The following ACSM4 variants were observed in gnomAD, a reference collection of about 807,000 sequenced individuals.
ACSM4 encodes the protein acyl-CoA synthetase medium chain family member 4, also known as acyl-coenzyme A synthetase ACSM4, mitochondrial.
A neutral mutation model predicts 73.0 loss-of-function variants in ACSM4; 66 were observed. The observed-to-expected ratio is 0.90, with a 90% confidence interval of 0.74 to 1.11. ACSM4 has a LOEUF of 1.11. Among genes scored for constraint, ACSM4 ranks in the 50% least tolerant of loss-of-function variants. The pLI, the probability that ACSM4 is intolerant of heterozygous loss-of-function variation, is 0.00. For synonymous variants in ACSM4, 222 were observed against 254.0 expected, an observed-to-expected ratio of 0.87 and a Z score of 1.20; for missense variants, 645 against 714.4, an observed-to-expected ratio of 0.90 and a Z score of 1.11.
Position 7,310,618 on chromosome 12 carries a change from C to T in ACSM4, c.492C>T (p.Cys164=), listed in dbSNP as rs138462432. The part of the protein sequence containing the change: ...LYRLRASKAK[C]IVASEEVAPA... Reference sequence around the variant, plus strand: ...GGCTGCGAGCATCCAAGGCCAAGTGCATTGTGGCCAGTGAGGAGGTGGCCC... The same window carrying T: ...GGCTGCGAGCATCCAAGGCCAAGTGTATTGTGGCCAGTGAGGAGGTGGCCC... The change falls in exon 3 of 13, where the codon TGC becomes TGT. Residue 164 remains cysteine, a synonymous_variant. Coordinates refer to ENST00000399422, the MANE Select transcript of ACSM4 (RefSeq NM_001080454.2). 1 of 1,613,232 alleles carries T rather than the reference C, an allele frequency of 6.2e-7. No individual in the cohort carries two copies. Among genetic ancestry groups the T allele is most frequent in the African/African-American group, 1.3e-5 (1 of 75,046 alleles).
intron 11 of ACSM4, 108 bp downstream of exon 11, chr12:7,324,706 T>C (rs372676011): frequency 2.5e-6 from 3 of 1,207,568 alleles, no homozygotes; most frequent in Middle Eastern, 2.1e-4. Context: ...ATTCTCGTTA[T>C]GAAGCATGCA....
chr12:7,317,361 C>T lies in ACSM4; in HGVS notation c.764+81C>T, dbSNP rs1946428998. 2.1e-6 allele frequency: 3 copies of T among 1,445,370 alleles called. No homozygotes were observed. The African/African-American group carries it at 4.3e-5, about 21-fold the overall frequency. The allele number at this position is 1,445,370 out of a possible 1,614,324, so 89.5% of individuals were successfully genotyped here. A position where few individuals can be genotyped will look rare whatever the true frequency, so the allele number is the denominator to read the frequency against. ...CGTATCCAACTAACTGATACTTCTC[C>T]TTGAATTGCTATAAGATATTGGCAA... On this transcript the variant is annotated intron_variant, in intron 4 of 12. Transcript: ENST00000399422.
At chr12:7,305,427 T>C (rs1438581891) in intron 1 of ACSM4, among the ~76,000 whole-genome samples, 1 of 152,160 alleles carries the variant, frequency 6.6e-6, no homozygotes, top group East Asian at 1.9e-4. Context: ...TAAAGAAGAA[T>C]AGTGCAGGTG....
chr12:7,328,066 G>A (rs1380939764), intron 12 of ACSM4, among the ~76,000 whole-genome samples: 3 of 152,138 alleles, frequency 2.0e-5, no homozygotes, highest in African/African-American at 7.2e-5. Flanking sequence ...TTCTGGCAAA[G>A]CATTTCAGTG....
At chr12:7,321,645 C>T (rs920712914) in intron 6 of ACSM4, among the ~76,000 whole-genome samples, 1 of 152,234 alleles carries the variant, frequency 6.6e-6, no homozygotes, top group Non-Finnish European at 1.5e-5. Flanking sequence ...ATTCTACCCA[C>T]ACCCTCTGGC....
intron 3 of ACSM4, among the ~76,000 whole-genome samples, chr12:7,316,439 A>C (rs1053356386): frequency 9.2e-5 from 14 of 152,232 alleles, no homozygotes; most frequent in Non-Finnish European, 1.5e-4. Flanking sequence ...AAGAAAATAT[A>C]TTCCATTAAA....
At chr12:7,318,469 C>A in intron 5 of ACSM4, 1 of 330,156 alleles carries the variant, frequency 3.0e-6, no homozygotes. Flanking sequence ...TTCTAAATAA[C>A]AGATTAGGAG....
At position 7,326,495 on chromosome 12, in the gene ACSM4, C is replaced by T. The variant is rs1055236128; in HGVS notation, c.1537-481C>T. Among the ~76,000 whole-genome samples the T allele has an allele frequency of 2.6e-5, 4 of 152,296 alleles. No homozygotes were observed. The South Asian group carries it at 8.3e-4, about 32-fold the overall frequency. ...AAAGTCTTGGGGTTATAGGTGTAAG[C>T]CACCATGCTCAGCCCTTTCCTGAGA... On this transcript the variant is annotated intron_variant, in intron 11 of 12. Coordinates refer to ENST00000399422, the MANE Select transcript of ACSM4 (RefSeq NM_001080454.2).
At chr12:7,306,774 A>C (rs1359683235) in intron 2 of ACSM4, 31 bp downstream of exon 2, 3 of 1,573,764 alleles carry the variant, frequency 1.9e-6, no homozygotes, top group South Asian at 1.2e-5. Context: ...TCTAAATCAC[A>C]CAAACACAGA....
intron 5 of ACSM4, among the ~76,000 whole-genome samples, chr12:7,319,603 A>G (rs945292220): frequency 6.6e-6 from 1 of 151,658 alleles, no homozygotes; most frequent in South Asian, 2.1e-4. Context: ...AAAAAAAAAA[A>G]AAGAAAAAAA....
At chr12:7,317,901 G>A in intron 4 of ACSM4, 125 bp from the exon 5 acceptor site, 2 of 1,019,298 alleles carry the variant, frequency 2.0e-6, no homozygotes, top group Non-Finnish European at 2.8e-6. Context: ...CCTTGCCTGG[G>A]GCTTCTTTTG....
chr12:7,322,069 A>C (rs983527387), intron 6 of ACSM4, among the ~76,000 whole-genome samples: 3 of 152,240 alleles, frequency 2.0e-5, no homozygotes, highest in Non-Finnish European at 2.9e-5. Context: ...CCCTTACAAC[A>C]TAGCGACTGA....
chr12:7,322,516 A>G lies in ACSM4; in HGVS notation c.1100A>G (p.Tyr367Cys), dbSNP rs1946471539. 3.1e-6 allele frequency: 5 copies of G among 1,613,748 alleles called. No individual in the cohort carries two copies. The highest frequency in any genetic ancestry group is 2.7e-5 in the African/African-American group (2 of 74,918). Residue 367 changes from tyrosine (Y) to cysteine (C), a missense_variant, in exon 7 of 13, where the codon TAT becomes TGT. By Grantham distance (194) the Tyr-to-Cys change is radical. Transcript: ENST00000399422. ...QWRVQTGLELYEGYGQTEVGM... is the reference protein window; with the variant it reads ...QWRVQTGLELCEGYGQTEVGM... ...AGGGTGCAAACTGGGCTGGAGCTAT[A>G]TGAGGGCTATGGACAGACGGAAGTG...
chr12:7,304,633 C>G (rs1000541518), intron 1 of ACSM4, 101 bp downstream of exon 1: 72 of 1,221,812 alleles, frequency 5.9e-5, no homozygotes, highest in Middle Eastern at 5.5e-4. Flanking sequence ...AATGCACTCT[C>G]TCACCCTCTT....
chr12:7,307,171 G>A lies in ACSM4; in HGVS notation c.412+428G>A, dbSNP rs142738376. On this transcript the variant is annotated intron_variant, in intron 2 of 12. Coordinates refer to ENST00000399422, the MANE Select transcript of ACSM4 (RefSeq NM_001080454.2). ...CGGGAGGCTGAGGCAGGAGAATCGC[G>A]TGAACCCGGGAGGTGGAGGTTTCAG... Among the ~76,000 whole-genome samples, 437 of 152,170 alleles carry A rather than the reference G, an allele frequency of 2.9e-3. 5 individuals carry two copies. Among genetic ancestry groups the A allele is most frequent in the African/African-American group, 9.2e-3 (383 of 41,508 alleles).
chr12:7,309,502 A>C (rs1385131670), intron 2 of ACSM4, among the ~76,000 whole-genome samples: 2 of 152,232 alleles, frequency 1.3e-5, no homozygotes, highest in African/African-American at 2.4e-5. Context: ...ACATACAAAA[A>C]TGAGATAAAA....
Position 7,328,642 on chromosome 12 carries a change from G to C in ACSM4, c.*269G>C, listed in dbSNP as rs887714357. 31 of 215,140 alleles carry C rather than the reference G, an allele frequency of 1.4e-4. No homozygotes were observed. The highest frequency in any genetic ancestry group is 7.4e-5 in the Non-Finnish European group (8 of 107,674). The allele number at this position is 215,140 out of a possible 1,614,324, so 13.3% of individuals were successfully genotyped here. A position where few individuals can be genotyped will look rare whatever the true frequency, so the allele number is the denominator to read the frequency against. ...TTAAAATAGCAGGAATAAAATGATTGCTTAGAACAAGAAAGTGCACATTGA... is the reference window on the plus strand; with the variant it reads ...TTAAAATAGCAGGAATAAAATGATTCCTTAGAACAAGAAAGTGCACATTGA... On this transcript the variant is annotated 3_prime_UTR_variant, in exon 13 of 13. Transcript: ENST00000399422.
chr12:7,305,153 C>G (rs117908764), intron 1 of ACSM4, among the ~76,000 whole-genome samples: 2 of 152,166 alleles, frequency 1.3e-5, no homozygotes, highest in Non-Finnish European at 2.9e-5. Context: ...AGGGGGAAAG[C>G]CTTCCTTGAA....
chr12:7,304,826 T>A (rs1224674733), intron 1 of ACSM4, among the ~76,000 whole-genome samples: 1 of 152,256 alleles, frequency 6.6e-6, no homozygotes, highest in Non-Finnish European at 1.5e-5. Flanking sequence ...GTGCTTTGTT[T>A]TCAAGTTGGT....
Sources: gnomAD v4.1 joint callset for allele counts (sites outside exome capture counted in the v4.1 genomes callset) on GRCh38, gnomAD v4.1.1 for gene constraint, MANE v1.5 for transcripts, NCBI Gene and HGNC (gene_info 2026-07-23, HGNC 2026-07-21) for gene names.